C12orf42: variants seen among roughly 807,000 people sequenced by gnomAD.
C12orf42 encodes uncharacterized protein C12orf42.
Under a neutral mutation model 21.6 loss-of-function variants are expected in C12orf42, and 25 were observed. The ratio of observed to expected loss-of-function variants is 1.16; its 90% CI spans 0.84 to 1.62. C12orf42 has a LOEUF of 1.62. Ranked by LOEUF, C12orf42 falls within the 40% of genes most tolerant of loss-of-function variation. The pLI, the probability that C12orf42 is intolerant of heterozygous loss-of-function variation, is 0.00. For synonymous variants in C12orf42, 174 were observed against 175.0 expected (o/e 0.99, Z 0.05); for missense variants, 483 against 459.3 (o/e 1.05, Z -0.47).
intron 2 of C12orf42, among the ~76,000 whole-genome samples, chr12:103,421,107 C>T (rs536557561): frequency 1.3e-5 from 2 of 152,248 alleles, no homozygotes; most frequent in Admixed American, 1.3e-4. Context: ...GACCAAGAAG[C>T]CTGTCTTACT....
chr12:103,426,180 T>C (rs1044757371), intron 2 of C12orf42, among the ~76,000 whole-genome samples: 1 of 152,160 alleles, frequency 6.6e-6, no homozygotes, highest in African/African-American at 2.4e-5. Flanking sequence ...AAGGAGCATG[T>C]TCTAACCCAA....
chr12:103,447,366 C>T (rs1951645767), intron 2 of C12orf42, among the ~76,000 whole-genome samples: 1 of 151,926 alleles, frequency 6.6e-6, no homozygotes, highest in African/African-American at 2.4e-5. Context: ...GAAAGCATTT[C>T]CCCTGAGAAT....
At chr12:103,563,266 G>A in the C12orf42 span, among the ~76,000 whole-genome samples, 1 of 152,092 alleles carries the variant, frequency 6.6e-6, no homozygotes, top group Non-Finnish European at 1.5e-5. Flanking sequence ...TGTGTATCCT[G>A]GACTAAGCCC....
intron 4 of C12orf42, among the ~76,000 whole-genome samples, chr12:103,368,485 T>C (rs770612882): frequency 6.6e-6 from 1 of 152,016 alleles, no homozygotes; most frequent in Non-Finnish European, 1.5e-5. Flanking sequence ...GTCTGGCCAA[T>C]CAGAGCCATT....
At chr12:103,189,000 C>T in the C12orf42 span, among the ~76,000 whole-genome samples, 1 of 151,244 alleles carries the variant, frequency 6.6e-6, no homozygotes, top group Non-Finnish European at 1.5e-5. Flanking sequence ...ATCACTTTAG[C>T]ATTTGAGAAT....
chr12:103,254,042 T>C (rs1298751136), intron 10 of C12orf42, among the ~76,000 whole-genome samples: 1 of 152,168 alleles, frequency 6.6e-6, no homozygotes, highest in Non-Finnish European at 1.5e-5. Flanking sequence ...TTGTCATGAA[T>C]TATTTGCCCA....
chr12:103,375,529 A>G (rs888499257), intron 3 of C12orf42, among the ~76,000 whole-genome samples: 1 of 152,222 alleles, frequency 6.6e-6, no homozygotes, highest in African/African-American at 2.4e-5. Flanking sequence ...GCAGAAAGCA[A>G]GCCCCAAAAA....
chr12:103,395,530 T>C (rs1193773240), intron 3 of C12orf42, among the ~76,000 whole-genome samples: 1 of 152,122 alleles, frequency 6.6e-6, no homozygotes, highest in Non-Finnish European at 1.5e-5. Flanking sequence ...AGAGACTTGG[T>C]TTCACTGTGT....
chr12:103,438,267 A>G (rs1950907674), intron 2 of C12orf42, among the ~76,000 whole-genome samples: 1 of 151,680 alleles, frequency 6.6e-6, no homozygotes, highest in African/African-American at 2.4e-5. Context: ...CAAAATAATA[A>G]GAGCTATTTA....
downstream of C12orf42, among the ~76,000 whole-genome samples, chr12:103,298,318 A>G (rs1383711656): frequency 6.6e-6 from 1 of 152,216 alleles, no homozygotes; most frequent in East Asian, 1.9e-4. Context: ...ATAACAGACA[A>G]ACAGAGAGCC....
intron 4 of C12orf42, among the ~76,000 whole-genome samples, chr12:103,361,087 C>T (rs897203974): frequency 2.0e-5 from 3 of 152,096 alleles, no homozygotes; most frequent in Non-Finnish European, 4.4e-5. Context: ...ATATCATGAA[C>T]TTTTACTCCA....
At chr12:103,422,743 T>TG (rs977970490) in intron 2 of C12orf42, among the ~76,000 whole-genome samples, 1 of 150,410 alleles carries the variant, frequency 6.6e-6, no homozygotes, top group African/African-American at 2.5e-5. Flanking sequence ...GAAAACCAGC[T>TG]CCAAAACAAG....
the C12orf42 span, among the ~76,000 whole-genome samples, chr12:103,066,046 C>T: frequency 6.6e-6 from 1 of 152,096 alleles, no homozygotes; most frequent in Non-Finnish European, 1.5e-5. Context: ...CTTTGGCAGG[C>T]CCCCCTAGGT....
At chr12:103,166,076 AGAAGGAAG>A in the C12orf42 span, among the ~76,000 whole-genome samples, 1 of 150,812 alleles carries the variant, frequency 6.6e-6, no homozygotes, top group Admixed American at 6.6e-5. Context: ...AGAGAGAGAG[AGAAGGAAG>A]GAAGGAAGGA....
chr12:103,441,415 C>T (rs1485471790), intron 2 of C12orf42: 1 of 152,130 alleles, frequency 6.6e-6, no homozygotes, highest in Non-Finnish European at 1.5e-5. Flanking sequence ...GTAACAATTT[C>T]AAACTGGCCT....
the C12orf42 span, among the ~76,000 whole-genome samples, chr12:103,067,415 T>C: frequency 1.3e-5 from 2 of 152,150 alleles, no homozygotes; most frequent in African/African-American, 4.8e-5. Flanking sequence ...GCTGGATTGA[T>C]AGAATGGTGG....
the C12orf42 span, among the ~76,000 whole-genome samples, chr12:103,197,265 A>C: frequency 6.6e-6 from 1 of 152,256 alleles, no homozygotes; most frequent in Admixed American, 6.5e-5. Context: ...TGGCTTGTAC[A>C]GTTTCTGCTA....
chr12:103,244,040 C>A (rs754263596), intron 10 of C12orf42, among the ~76,000 whole-genome samples: 61 of 152,034 alleles, frequency 4.0e-4, no homozygotes, highest in Non-Finnish European at 7.1e-4. Context: ...AATGTTCAGC[C>A]AGGGTTAAGA....
the C12orf42 span, among the ~76,000 whole-genome samples, chr12:103,107,334 C>T: frequency 1.3e-5 from 2 of 151,864 alleles, no homozygotes; most frequent in African/African-American, 2.4e-5. Flanking sequence ...TTGAAGTAAG[C>T]ACACCGTTAA....
Sources: gnomAD v4.1 joint callset for allele counts (sites outside exome capture counted in the v4.1 genomes callset) on GRCh38, gnomAD v4.1.1 for gene constraint, MANE v1.5 for transcripts, NCBI Gene and HGNC (gene_info 2026-07-23, HGNC 2026-07-21) for gene names.